The following KCNQ1OT1 variants were observed in gnomAD, a reference collection of about 807,000 sequenced individuals.
The protein encoded by KCNQ1OT1 is KCNQ1 opposite strand/antisense transcript 1.
At position 2,668,226 on chromosome 11, in the gene KCNQ1OT1, T is replaced by C. The variant is rs889002800; in HGVS notation, n.31769A>G. Reference sequence around the variant, plus strand: ...CATCATTCATCCATTCTACCACCTGTGGCCAGCAGGCAGTTTCTGGTGTAG... The same window carrying C: ...CATCATTCATCCATTCTACCACCTGCGGCCAGCAGGCAGTTTCTGGTGTAG... On this transcript the variant is annotated non_coding_transcript_exon_variant, in exon 1 of 1. Coordinates refer to ENST00000597346, the Ensembl canonical transcript of KCNQ1OT1. This position sits in a 1 kb window ranked among gnomAD's most constrained non-coding sequence, Gnocchi z 4.3. The C allele has an allele frequency of 7.5e-6, 3 of 398,662 alleles. No homozygotes were observed. Among genetic ancestry groups the C allele is most frequent in the Non-Finnish European group, 1.3e-5 (3 of 226,080 alleles). The allele number at this position is 398,662 out of a possible 1,614,324, so 24.7% of individuals were successfully genotyped here.
Position 2,682,624 on chromosome 11 carries a change from C to T in KCNQ1OT1, n.17371G>A. On this transcript the variant is annotated non_coding_transcript_exon_variant, in exon 1 of 1. Transcript: ENST00000597346. This position sits in a 1 kb window ranked among gnomAD's most constrained non-coding sequence, Gnocchi z 5.8. The stretch of plus-strand genomic sequence containing the variant: ...AGTGTAAGGCTTGAGAGCTCTTCTT[C>T]AGGCTCAGTCATCCCTGCTTCCCCA... 1 of 398,642 alleles carries T rather than the reference C, an allele frequency of 2.5e-6. No individual in the cohort carries two copies. The highest frequency in any genetic ancestry group is 1.3e-4 in the South Asian group (1 of 7,856). The allele number at this position is 398,642 out of a possible 1,614,324, so 24.7% of individuals were successfully genotyped here.
rs542704602 is a variant in KCNQ1OT1, at chr11:2,690,336, G to C, written n.9659C>G. On this transcript the variant is annotated non_coding_transcript_exon_variant, in exon 1 of 1. Coordinates refer to ENST00000597346, the Ensembl canonical transcript of KCNQ1OT1. This position sits in a 1 kb window ranked among gnomAD's most constrained non-coding sequence, Gnocchi z 5.1. ...AAGGATTAAATGATGTCAAGTCTGA[G>C]GCTGCCCTGCAGCTGCTGTTTCCAC... 203 of 398,694 alleles carry C rather than the reference G, an allele frequency of 5.1e-4. 1 individual carries two copies. The highest frequency in any genetic ancestry group is 6.3e-4 in the Non-Finnish European group (142 of 226,094). 24.7% of individuals were successfully genotyped at this position (398,694 alleles called of 1,614,324 possible).
exon 1 of KCNQ1OT1, chr11:2,625,633 T>C (rs1849250315): frequency 1.5e-5 from 6 of 396,274 alleles, no homozygotes; most frequent in Non-Finnish European, 2.7e-5. Context: ...CTGAGTGCAG[T>C]GGTGCCATCT....
At chr11:2,636,111 A>G (rs1849460096) in exon 1 of KCNQ1OT1, 1 of 152,318 alleles carries the variant, frequency 6.6e-6, no homozygotes, top group East Asian at 1.9e-4. Context: ...TTCTAAATAT[A>G]CAATCATGTC....
exon 1 of KCNQ1OT1, chr11:2,667,354 G>T: frequency 2.5e-6 from 1 of 398,756 alleles, no homozygotes; most frequent in East Asian, 3.6e-5. Flanking sequence ...TCCTCTGCAA[G>T]GGAAAGGCCA....
At chr11:2,640,574 T>C (rs900698454) in exon 1 of KCNQ1OT1, 11 of 398,212 alleles carry the variant, frequency 2.8e-5, no homozygotes, top group African/African-American at 2.3e-4. Context: ...TTTTTTTTTT[T>C]TTTTGACCGA....
rs550778890 is a variant in KCNQ1OT1 at position 2,653,986 on chromosome 11, G to A, written n.46009C>T. 4.6e-4 allele frequency: 184 copies of A among 398,694 alleles called. 2 individuals are homozygous for A. Among genetic ancestry groups the A allele is most frequent in the African/African-American group, 3.1e-3 (152 of 48,774 alleles). The allele number at this position is 398,694 out of a possible 1,614,324, so 24.7% of individuals were successfully genotyped here. A position where few individuals can be genotyped will look rare whatever the true frequency, so the allele number is the denominator to read the frequency against. ...ACTCAAGCAAGGTATTTTCCTAAGC[G>A]GAACTGGGTGCCAGCTGTGAATATA... On this transcript the variant is annotated non_coding_transcript_exon_variant, in exon 1 of 1. Coordinates refer to ENST00000597346, the Ensembl canonical transcript of KCNQ1OT1. The surrounding 1 kb of genome is among the most constrained non-coding windows in gnomAD (Gnocchi z 5.3).
Position 2,616,192 on chromosome 11 carries a change from G to A in KCNQ1OT1, n.83803C>T, listed in dbSNP as rs560473044. On this transcript the variant is annotated non_coding_transcript_exon_variant, in exon 1 of 1. Transcript: ENST00000597346. ...TTATTTCTGTAAGATCAGTTATATC[G>A]TTCCCACTTTTGTTTTTTTTTCTTA... 3.5e-4 allele frequency: 137 copies of A among 395,322 alleles called. 2 individuals are homozygous for A. The highest frequency in any genetic ancestry group is 2.5e-3 in the African/African-American group (119 of 48,068). 24.5% of individuals were successfully genotyped at this position (395,322 alleles called of 1,614,324 possible).
rs151216 is a variant in KCNQ1OT1, at chr11:2,659,585, C to T, written n.40410G>A. 0.11 allele frequency: 42,873 copies of T among 398,282 alleles called. 2,453 individuals carry two copies. The highest frequency in any genetic ancestry group is 0.15 in the Middle Eastern group (232 of 1,586). The allele number at this position is 398,282 out of a possible 1,614,324, so 24.7% of individuals were successfully genotyped here. A position where few individuals can be genotyped will look rare whatever the true frequency, so the allele number is the denominator to read the frequency against. On this transcript the variant is annotated non_coding_transcript_exon_variant, in exon 1 of 1. Transcript: ENST00000597346. This position sits in a 1 kb window ranked among gnomAD's most constrained non-coding sequence, Gnocchi z 4.3. ...ATACACATTTATGTACAGGTTTTTGCGAACATAAAAATTCAATTCACTTGG... is the reference window on the plus strand; with the variant it reads ...ATACACATTTATGTACAGGTTTTTGTGAACATAAAAATTCAATTCACTTGG...
chr11:2,681,200 G>T (rs897937513), exon 1 of KCNQ1OT1: 14 of 398,502 alleles, frequency 3.5e-5, no homozygotes, highest in Middle Eastern at 6.2e-4. Context: ...TTTTTGCAGT[G>T]TTTGTGTTCT....
chr11:2,658,550 G>T lies in KCNQ1OT1; in HGVS notation n.41445C>A. ...CTCATCTTTTATTTTCCCTACCCTA[G>T]CCCTAGAATCATCCATTCATCCAGA... On this transcript the variant is annotated non_coding_transcript_exon_variant, in exon 1 of 1. Coordinates refer to ENST00000597346, the Ensembl canonical transcript of KCNQ1OT1. This position sits in a 1 kb window ranked among gnomAD's most constrained non-coding sequence, Gnocchi z 4.9. 2.6e-6 allele frequency: 1 copy of T among 387,186 alleles called. No homozygotes were observed. The highest frequency in any genetic ancestry group is 3.7e-5 in the East Asian group (1 of 27,318). The allele number at this position is 387,186 out of a possible 1,614,324, so 24.0% of individuals were successfully genotyped here. A position where few individuals can be genotyped will look rare whatever the true frequency, so the allele number is the denominator to read the frequency against.
chr11:2,641,964 G>C (rs1440980841), exon 1 of KCNQ1OT1: 1 of 398,210 alleles, frequency 2.5e-6, no homozygotes, highest in Non-Finnish European at 4.4e-6. Context: ...TTACTTCCAG[G>C]TTCTACTCTG....
chr11:2,697,692 A>G, exon 1 of KCNQ1OT1: 1 of 398,576 alleles, frequency 2.5e-6, no homozygotes, highest in East Asian at 3.6e-5. Flanking sequence ...CTGATATTGG[A>G]TCATCTTTGC....
Position 2,664,880 on chromosome 11 carries a change from A to G in KCNQ1OT1, n.35115T>C. 1 of 398,684 alleles carries G rather than the reference A, an allele frequency of 2.5e-6. No homozygotes were observed. Among genetic ancestry groups the G allele is most frequent in the Non-Finnish European group, 4.4e-6 (1 of 226,090 alleles). The allele number at this position is 398,684 out of a possible 1,614,324, so 24.7% of individuals were successfully genotyped here. ...GTTCCAGAATTCAAATTAAAAACAT[A>G]AATAAAGACACATTTTGTTTCCATC... On this transcript the variant is annotated non_coding_transcript_exon_variant, in exon 1 of 1. Transcript: ENST00000597346. The surrounding 1 kb of genome is among the most constrained non-coding windows in gnomAD (Gnocchi z 5.1).
chr11:2,696,415 G>C (rs1160917983), exon 1 of KCNQ1OT1: 1 of 398,528 alleles, frequency 2.5e-6, no homozygotes, highest in Non-Finnish European at 4.4e-6. Context: ...TCTAGACTTG[G>C]AGTTACCTCT....
Position 2,659,662 on chromosome 11 carries a change from G to T in KCNQ1OT1, n.40333C>A, listed in dbSNP as rs1291440604. On this transcript the variant is annotated non_coding_transcript_exon_variant, in exon 1 of 1. Transcript: ENST00000597346. The surrounding 1 kb of genome is among the most constrained non-coding windows in gnomAD (Gnocchi z 4.3). ...GGTATGTGTATGTTTAACTTAATAA[G>T]AAATTGCTAAACTATTTCCTAAAGT... is the stretch of plus-strand genomic sequence containing the variant. 2.5e-5 allele frequency: 10 copies of T among 398,366 alleles called. No individual in the cohort carries two copies. The highest frequency in any genetic ancestry group is 4.4e-5 in the Non-Finnish European group (10 of 226,012). The allele number at this position is 398,366 out of a possible 1,614,324, so 24.7% of individuals were successfully genotyped here.
rs1222172970 is a variant in KCNQ1OT1, at chr11:2,669,577, T to C, written n.30418A>G. 1 of 398,618 alleles carries C rather than the reference T, an allele frequency of 2.5e-6. No homozygotes were observed. The highest frequency in any genetic ancestry group is 3.6e-5 in the East Asian group (1 of 28,080). The allele number at this position is 398,618 out of a possible 1,614,324, so 24.7% of individuals were successfully genotyped here. On this transcript the variant is annotated non_coding_transcript_exon_variant, in exon 1 of 1. Transcript: ENST00000597346. The surrounding 1 kb of genome is among the most constrained non-coding windows in gnomAD (Gnocchi z 5.6). ...GGGAGCCCTGGCCAGCTTGGGTCAT[T>C]TCATCCTGCCCACAGGACACTGGGG...
Position 2,664,595 on chromosome 11 carries a change from ACCT to A in KCNQ1OT1, n.35397_35399del, listed in dbSNP as rs1850030522. ...GCCCGCATTGGGGCTGCATTCCTCC[ACCT>A]CCTGCACAGCCCGCCCAGTGATGCC... On this transcript the variant is annotated non_coding_transcript_exon_variant, in exon 1 of 1. Transcript: ENST00000597346. The surrounding 1 kb of genome is among the most constrained non-coding windows in gnomAD (Gnocchi z 5.1). The A allele has an allele frequency of 1.8e-5, 7 of 398,540 alleles. No individual in the cohort carries two copies. Among genetic ancestry groups the A allele is most frequent in the Middle Eastern group, 6.3e-4 (1 of 1,588 alleles). The allele number at this position is 398,540 out of a possible 1,614,324, so 24.7% of individuals were successfully genotyped here.
At chr11:2,666,686 G>A (rs1850075435) in exon 1 of KCNQ1OT1, 1 of 398,664 alleles carries the variant, frequency 2.5e-6, no homozygotes, top group African/African-American at 2.1e-5. Flanking sequence ...CTTGGCCTGG[G>A]ACATTTTGGA....
Sources: allele counts gnomAD v4.1 joint callset, GRCh38; gene constraint gnomAD v4.1.1; non-coding constraint Gnocchi (gnomAD v3.1); transcripts MANE v1.5; gene names NCBI Gene and HGNC (gene_info 2026-07-23, HGNC 2026-07-21).